PTPRN2: variants seen among roughly 807,000 people sequenced by gnomAD.
PTPRN2 encodes protein tyrosine phosphatase receptor type N2.
In PTPRN2, 74 loss-of-function variants were observed where a neutral mutation model predicts 118.8. The observed-to-expected ratio is 0.62, with a 90% CI of 0.52 to 0.76. PTPRN2 has a LOEUF of 0.76. Ranked by LOEUF, PTPRN2 falls within the 30% of genes least tolerant of loss-of-function variation. The pLI is 0.00. For synonymous variants in PTPRN2, 641 were observed against 608.0 expected (o/e 1.05, Z -0.80); for missense variants, 1,481 against 1,394.4 (o/e 1.06, Z -0.99).
chr7:158,155,742 TCA>T (rs1821748201), intron 6 of PTPRN2, among the ~76,000 whole-genome samples: 3 of 96,626 alleles, frequency 3.1e-5, no homozygotes, highest in Non-Finnish European at 2.4e-5. Flanking sequence ...ATCATCACCA[TCA>T]TCACCATCAC....
At chr7:157,823,491 C>G (rs1806978355) in intron 12 of PTPRN2, among the ~76,000 whole-genome samples, 1 of 152,228 alleles carries the variant, frequency 6.6e-6, no homozygotes, top group South Asian at 2.1e-4. Context: ...TGCTACAAAA[C>G]AGCTGGACTC....
At chr7:158,188,205 G>A (rs1345826126) in intron 5 of PTPRN2, among the ~76,000 whole-genome samples, 21 of 83,960 alleles carry the variant, frequency 2.5e-4, no homozygotes, top group South Asian at 4.7e-4. Flanking sequence ...AGGCCGCCAC[G>A]CTCGCCGCCT....
chr7:158,246,504 C>T (rs1321737510), intron 3 of PTPRN2, among the ~76,000 whole-genome samples: 3 of 150,966 alleles, frequency 2.0e-5, no homozygotes, highest in South Asian at 2.2e-4. Context: ...GGGCTGCTGA[C>T]GATAAGAAAA....
At chr7:157,849,756 C>T (rs2151202032) in intron 12 of PTPRN2, among the ~76,000 whole-genome samples, 1 of 152,330 alleles carries the variant, frequency 6.6e-6, no homozygotes, top group South Asian at 2.1e-4. Context: ...CCTTTCTGCC[C>T]AGAGTACTGT....
At chr7:157,822,307 T>C (rs1177803028) in intron 12 of PTPRN2, among the ~76,000 whole-genome samples, 1 of 150,470 alleles carries the variant, frequency 6.6e-6, no homozygotes, top group Admixed American at 6.6e-5. Context: ...ACCCATCTGC[T>C]ATCCATGAGC....
rs377484371 is a variant in PTPRN2, at chr7:158,499,195, C to A, written c.113-9410G>T. Among the ~76,000 whole-genome samples, 3 of 152,258 alleles carry A rather than the reference C, an allele frequency of 2.0e-5. No homozygotes were observed. In the East Asian group the frequency reaches 5.8e-4, roughly 29 times the overall value. ...ATCATCATCATCATCATGGAAACAGCCTCTCCCACACTTTGATGTGCATGT... is the reference window on the plus strand; with the variant it reads ...ATCATCATCATCATCATGGAAACAGACTCTCCCACACTTTGATGTGCATGT... On this transcript the variant is annotated intron_variant, in intron 1 of 22. Coordinates refer to ENST00000389418, the MANE Select transcript of PTPRN2 (RefSeq NM_002847.5).
At chr7:158,165,282 G>A (rs1822854929) in intron 6 of PTPRN2, among the ~76,000 whole-genome samples, 1 of 152,154 alleles carries the variant, frequency 6.6e-6, no homozygotes, top group Non-Finnish European at 1.5e-5. Flanking sequence ...GTAGAGCATG[G>A]CTTAGAACAG....
chr7:158,240,421 C>A (rs1366903126), intron 3 of PTPRN2, among the ~76,000 whole-genome samples: 1 of 152,110 alleles, frequency 6.6e-6, no homozygotes, highest in African/African-American at 2.4e-5. Flanking sequence ...GGTGTGTGGG[C>A]TTTTGTTTTG....
chr7:157,819,575 A>G (rs1806669802), intron 12 of PTPRN2, among the ~76,000 whole-genome samples: 1 of 128,094 alleles, frequency 7.8e-6, no homozygotes, highest in South Asian at 2.8e-4. Flanking sequence ...GCACACACCG[A>G]GTGGCCGCAG....
chr7:158,550,076 C>T (rs1364376204), intron 1 of PTPRN2, among the ~76,000 whole-genome samples: 1 of 152,190 alleles, frequency 6.6e-6, no homozygotes, highest in Admixed American at 6.5e-5. Context: ...AGCACACATC[C>T]TCAGAGCCCC....
intron 22 of PTPRN2, among the ~76,000 whole-genome samples, chr7:157,542,049 C>T (rs996978679): frequency 6.6e-6 from 1 of 152,206 alleles, no homozygotes; most frequent in African/African-American, 2.4e-5. Flanking sequence ...ATGTGTCTGC[C>T]TGCGCCCCGT....
intron 2 of PTPRN2, among the ~76,000 whole-genome samples, chr7:158,389,132 C>T (rs145766536): frequency 1.4e-4 from 22 of 152,308 alleles, no homozygotes; most frequent in Non-Finnish European, 2.6e-4. Context: ...GGGAAACAGG[C>T]GTCCGAAGGG....
At chr7:157,571,119 C>T (rs11768429) in intron 20 of PTPRN2, among the ~76,000 whole-genome samples, 1,626 of 150,090 alleles carry the variant, frequency 0.011, 15 homozygotes, top group Non-Finnish European at 0.016. Flanking sequence ...TGGTGGCGGG[C>T]GCAATCGCTT....
At chr7:157,570,047 TCAAA>T (rs1450704428) in intron 20 of PTPRN2, among the ~76,000 whole-genome samples, 1 of 152,226 alleles carries the variant, frequency 6.6e-6, no homozygotes, top group East Asian at 1.9e-4. Context: ...ACATGTTTCC[TCAAA>T]CAAATGGTTG....
chr7:158,442,265 G>A (rs1047836566), intron 2 of PTPRN2, among the ~76,000 whole-genome samples: 1 of 152,066 alleles, frequency 6.6e-6, no homozygotes, highest in Non-Finnish European at 1.5e-5. Flanking sequence ...AAAAATCTGA[G>A]AGCAAAGATG....
chr7:158,150,959 C>T lies in PTPRN2; in HGVS notation c.911-12444G>A, dbSNP rs192655881. Among the ~76,000 whole-genome samples the T allele has an allele frequency of 7.0e-4, 107 of 152,094 alleles. 1 individual carries two copies. The highest frequency in any genetic ancestry group is 2.0e-3 in the Admixed American group (31 of 15,248). On this transcript the variant is annotated intron_variant, in intron 6 of 22. Transcript: ENST00000389418. ...CTGGGAAATATTATTCTGTGCATCC[C>T]ACCCTGCTTACAGCAATGTCTGTTC...
chr7:158,163,619 C>G (rs1329327716), intron 6 of PTPRN2, among the ~76,000 whole-genome samples: 1 of 147,680 alleles, frequency 6.8e-6, no homozygotes, highest in Non-Finnish European at 1.5e-5. Context: ...GTACGGGGTT[C>G]TCAATATTCT....
chr7:158,113,820 T>C (rs2150376156), intron 9 of PTPRN2, among the ~76,000 whole-genome samples: 1 of 152,298 alleles, frequency 6.6e-6, no homozygotes, highest in African/African-American at 2.4e-5. Flanking sequence ...CCTACCATCC[T>C]TGGCCAGGAC....
At chr7:157,765,527 C>T (rs550913940) in intron 12 of PTPRN2, among the ~76,000 whole-genome samples, 1 of 150,202 alleles carries the variant, frequency 6.7e-6, no homozygotes, top group Non-Finnish European at 1.5e-5. Context: ...CATTCACCCA[C>T]CCATCCATCA....
Sources: gnomAD v4.1 joint callset for allele counts (sites outside exome capture counted in the v4.1 genomes callset) on GRCh38, gnomAD v4.1.1 for gene constraint, MANE v1.5 for transcripts, NCBI Gene and HGNC (gene_info 2026-07-23, HGNC 2026-07-21) for gene names.